CCSER1: variants seen among roughly 807,000 people sequenced by gnomAD.
CCSER1 encodes coiled-coil serine rich protein 1, also known as serine-rich coiled-coil domain-containing protein 1.
Under a neutral mutation model 82.0 loss-of-function variants are expected in CCSER1, and 41 were observed. The observed-to-expected ratio is 0.50, with a 90% CI of 0.39 to 0.65. CCSER1 has a LOEUF of 0.65. CCSER1 is among the 30% of genes least tolerant of loss of function. The pLI is 0.00. For synonymous variants in CCSER1, 414 were observed against 383.9 expected, an observed-to-expected ratio of 1.08 and a Z score of -0.92; for missense variants, 1,119 against 1,064.2, an observed-to-expected ratio of 1.05 and a Z score of -0.72.
At chr4:90,713,174 A>G (rs1019859104) in intron 6 of CCSER1, among the ~76,000 whole-genome samples, 1 of 151,908 alleles carries the variant, frequency 6.6e-6, no homozygotes, top group African/African-American at 2.4e-5. Context: ...TGTGAATTTG[A>G]TCCCGTCATA....
chr4:90,500,376 C>T (rs925125805), intron 5 of CCSER1, among the ~76,000 whole-genome samples: 13 of 151,850 alleles, frequency 8.6e-5, no homozygotes, highest in Admixed American at 5.3e-4. Context: ...CTATCACCCA[C>T]GCTGGAGTGT....
intron 7 of CCSER1, among the ~76,000 whole-genome samples, chr4:90,732,056 T>TCTCTCTCTCTCTCTCTCTCTCTCTCACA (rs761678318): frequency 6.9e-6 from 1 of 144,710 alleles, no homozygotes; most frequent in African/African-American, 2.5e-5. Context: ...TCTCTCTCTC[T>TCTCTCTCTCTCTCTCTCTCTCTCTCACA]CTCTCACTGC....
chr4:91,034,849 A>T (rs1298377878), intron 9 of CCSER1, among the ~76,000 whole-genome samples: 1 of 152,134 alleles, frequency 6.6e-6, no homozygotes, highest in Non-Finnish European at 1.5e-5. Flanking sequence ...TTTGTATTAT[A>T]TTGAACTAAA....
chr4:90,874,249 A>G (rs1235534243), intron 8 of CCSER1, among the ~76,000 whole-genome samples: 2 of 152,176 alleles, frequency 1.3e-5, no homozygotes, highest in Admixed American at 6.6e-5. Context: ...TTCTTATGGT[A>G]TGATTTCATA....
At chr4:91,453,301 T>C (rs1755969346) in intron 10 of CCSER1, among the ~76,000 whole-genome samples, 1 of 152,042 alleles carries the variant, frequency 6.6e-6, no homozygotes, top group Admixed American at 6.6e-5. Context: ...TATAACACTG[T>C]CTGCTTGAGA....
intron 5 of CCSER1, among the ~76,000 whole-genome samples, chr4:90,499,605 A>G (rs968099524): frequency 6.6e-6 from 1 of 152,068 alleles, no homozygotes; most frequent in African/African-American, 2.4e-5. Flanking sequence ...TATTTGCCTG[A>G]GCTTGTATGT....
chr4:90,800,381 C>T (rs1756643813), intron 7 of CCSER1, among the ~76,000 whole-genome samples: 2 of 152,104 alleles, frequency 1.3e-5, no homozygotes, highest in Non-Finnish European at 2.9e-5. Context: ...TGATTACACA[C>T]ATAAGCTCTG....
intron 6 of CCSER1, among the ~76,000 whole-genome samples, chr4:90,673,146 G>T (rs1733130071): frequency 6.6e-6 from 1 of 151,856 alleles, no homozygotes; most frequent in African/African-American, 2.4e-5. Flanking sequence ...CCTTCAATTT[G>T]TAAAAAGCAC....
chr4:90,707,407 C>T (rs1739569941), intron 6 of CCSER1, among the ~76,000 whole-genome samples: 1 of 151,912 alleles, frequency 6.6e-6, no homozygotes, highest in African/African-American at 2.4e-5. Context: ...TTGCCATCTT[C>T]CCTATCCCAT....
chr4:91,044,057 G>A (rs140535584), intron 9 of CCSER1, among the ~76,000 whole-genome samples: 1 of 152,262 alleles, frequency 6.6e-6, no homozygotes, highest in African/African-American at 2.4e-5. Flanking sequence ...TCCAACACAT[G>A]TTTACTAAAG....
At chr4:90,138,095 C>CCA (rs1724025349) in intron 1 of CCSER1, among the ~76,000 whole-genome samples, 1 of 152,100 alleles carries the variant, frequency 6.6e-6, no homozygotes, top group South Asian at 2.1e-4. Flanking sequence ...TTCTCTTTCC[C>CCA]CACCAGCTGG....
At chr4:91,594,334 C>CAT in intron 10 of CCSER1, among the ~76,000 whole-genome samples, 1 of 146,144 alleles carries the variant, frequency 6.8e-6, no homozygotes, top group Admixed American at 6.8e-5. Context: ...TATATGTACA[C>CAT]ACATATATAT....
chr4:90,792,864 G>A (rs1755460932), intron 7 of CCSER1, among the ~76,000 whole-genome samples: 1 of 152,158 alleles, frequency 6.6e-6, no homozygotes, highest in African/African-American at 2.4e-5. Flanking sequence ...CTAGTTGCCT[G>A]GTACTTGGCC....
chr4:90,508,354 T>C (rs557106093), intron 5 of CCSER1, among the ~76,000 whole-genome samples: 157 of 152,058 alleles, frequency 1.0e-3, no homozygotes, highest in Non-Finnish European at 2.1e-3. Context: ...AAATTAAAGT[T>C]GTCCTTTTTC....
At chr4:90,627,547 C>A (rs1348342592) in intron 5 of CCSER1, among the ~76,000 whole-genome samples, 1 of 151,826 alleles carries the variant, frequency 6.6e-6, no homozygotes, top group African/African-American at 2.4e-5. Flanking sequence ...TTGGATAGGT[C>A]TTTTGGTTTT....
intron 10 of CCSER1, among the ~76,000 whole-genome samples, chr4:91,439,641 A>G (rs1754962597): frequency 6.6e-6 from 1 of 152,142 alleles, no homozygotes; most frequent in South Asian, 2.1e-4. Context: ...AAGGGACTAA[A>G]TGCTCCAATT....
At chr4:91,092,036 T>C (rs1234455107) in intron 10 of CCSER1, among the ~76,000 whole-genome samples, 2 of 152,112 alleles carry the variant, frequency 1.3e-5, no homozygotes, top group Non-Finnish European at 2.9e-5. Flanking sequence ...AAGGGGAGTA[T>C]CCTGTTTTCT....
At chr4:91,198,615 T>G (rs1216015361) in intron 10 of CCSER1, among the ~76,000 whole-genome samples, 3 of 152,004 alleles carry the variant, frequency 2.0e-5, no homozygotes, top group African/African-American at 7.3e-5. Context: ...ATCATAGAGC[T>G]GCATGATCCA....
chr4:90,624,594 T>C lies in CCSER1; in HGVS notation c.1725-3431T>C, dbSNP rs147406307. Among the ~76,000 whole-genome samples, 295 of 152,284 alleles carry C rather than the reference T, an allele frequency of 1.9e-3. 2 individuals carry two copies. Among genetic ancestry groups the C allele is most frequent in the Middle Eastern group, 6.8e-3 (2 of 294 alleles). On this transcript the variant is annotated intron_variant, in intron 5 of 10. Coordinates refer to ENST00000509176, the MANE Select transcript of CCSER1 (RefSeq NM_001145065.2). ...ACACAAAGGATCCCAGGGAGAAAAG[T>C]GCAAAGCCAGTTCACCATCGTAGTT...
Sources: gnomAD v4.1 joint callset for allele counts (sites outside exome capture counted in the v4.1 genomes callset) on GRCh38, gnomAD v4.1.1 for gene constraint, MANE v1.5 for transcripts, NCBI Gene and HGNC (gene_info 2026-07-23, HGNC 2026-07-21) for gene names.